Variants in LRP1B observed in about 807,000 individuals in gnomAD.
The protein encoded by LRP1B is LDL receptor related protein 1B.
Under a neutral mutation model 556.6 loss-of-function variants are expected in LRP1B, and 217 were observed. That is an observed-to-expected ratio of 0.39 (90% confidence interval 0.35 to 0.44). The LOEUF (loss-of-function observed/expected upper bound fraction) is 0.44, where lower values mean the gene tolerates loss of function less well. LRP1B is among the 20% of genes least tolerant of loss of function. The probability of loss-of-function intolerance (pLI) is 1.00; values close to 1 mark genes in which losing one functional copy is unlikely to be tolerated. For missense variants in LRP1B, 5,053 were observed against 5,620.8 expected (o/e 0.90, Z 3.23); for synonymous variants, 2,047 against 1,865.8 (o/e 1.10, Z -2.50).
In LRP1B at chr2:140,483,633, TATATA is replaced by T. The variant is rs1185449669; in HGVS notation, c.9425+1705_9425+1709del. 4.6e-3 allele frequency among the ~76,000 whole-genome samples: 232 copies of T among 50,666 alleles called. 1 individual carries two copies. Among genetic ancestry groups the T allele is most frequent in the Middle Eastern group, 0.014 (1 of 72 alleles). 33.2% of individuals were successfully genotyped at this position (50,666 alleles called of 152,430 possible). ...ACACACACATATATATATATATATA[TATATA>T]TATTTTTTTTTTTTTTTTTTGAGAC... is the stretch of plus-strand genomic sequence containing the variant. On this transcript the variant is annotated intron_variant, in intron 59 of 90. Transcript: ENST00000389484.
chr2:141,320,004 A>T (rs1399255108), intron 3 of LRP1B, among the ~76,000 whole-genome samples: 2 of 152,210 alleles, frequency 1.3e-5, no homozygotes, highest in South Asian at 2.1e-4. Flanking sequence ...TTGGGAAAAG[A>T]TTGATTCTGA....
At chr2:141,634,758 A>C (rs1019552160) in intron 2 of LRP1B, among the ~76,000 whole-genome samples, 1 of 151,988 alleles carries the variant, frequency 6.6e-6, no homozygotes, top group Non-Finnish European at 1.5e-5. Context: ...TTTTTAGACT[A>C]TTGACAGGAT....
chr2:140,779,720 T>A (rs1689627656), intron 32 of LRP1B, among the ~76,000 whole-genome samples: 1 of 123,698 alleles, frequency 8.1e-6, no homozygotes, highest in Non-Finnish European at 1.7e-5. Context: ...AAAAAGTGTG[T>A]GTGTGTGTGT....
chr2:141,856,709 C>T (rs908741981), intron 1 of LRP1B, among the ~76,000 whole-genome samples: 2 of 152,086 alleles, frequency 1.3e-5, no homozygotes, highest in African/African-American at 4.8e-5. Flanking sequence ...GAGAATGTAT[C>T]TTATTACACA....
At chr2:141,989,739 C>T (rs1302049750) in intron 1 of LRP1B, among the ~76,000 whole-genome samples, 1 of 152,040 alleles carries the variant, frequency 6.6e-6, no homozygotes, top group East Asian at 1.9e-4. Flanking sequence ...CACTTTCTCT[C>T]TTGCTGCCCT....
chr2:141,975,206 T>C (rs1414677373), intron 1 of LRP1B, among the ~76,000 whole-genome samples: 1 of 152,064 alleles, frequency 6.6e-6, no homozygotes, highest in Admixed American at 6.6e-5. Flanking sequence ...TAACTTGCTG[T>C]GAAATTTTTG....
At chr2:140,780,717 G>A (rs1689668159) in intron 32 of LRP1B, among the ~76,000 whole-genome samples, 1 of 152,014 alleles carries the variant, frequency 6.6e-6, no homozygotes, top group African/African-American at 2.4e-5. Context: ...TATGGGCCTG[G>A]GTTACATTCA....
At chr2:140,813,586 T>G in intron 32 of LRP1B, 71 bp downstream of exon 32, 1 of 1,418,426 alleles carries the variant, frequency 7.1e-7, no homozygotes, top group South Asian at 1.2e-5. Context: ...TTTCCTAAGC[T>G]TTTAACAGGT....
chr2:142,120,082 G>A (rs1442908705), intron 1 of LRP1B, among the ~76,000 whole-genome samples: 2 of 150,812 alleles, frequency 1.3e-5, no homozygotes, highest in East Asian at 2.0e-4. Context: ...TAACCTGGCA[G>A]ATCCTCACCA....
At chr2:141,608,149 G>A (rs6732675) in intron 2 of LRP1B, among the ~76,000 whole-genome samples, 3,979 of 152,082 alleles carry the variant, frequency 0.026, 168 homozygotes, top group African/African-American at 0.089. Context: ...GCTTGAACCC[G>A]GGAGGTGGAG....
chr2:141,766,295 A>G (rs1694730550), intron 2 of LRP1B, among the ~76,000 whole-genome samples: 1 of 152,196 alleles, frequency 6.6e-6, no homozygotes, highest in African/African-American at 2.4e-5. Flanking sequence ...AATGGATAGG[A>G]TACAAAAACG....
At chr2:141,573,347 G>A (rs1686604206) in intron 2 of LRP1B, among the ~76,000 whole-genome samples, 1 of 152,104 alleles carries the variant, frequency 6.6e-6, no homozygotes, top group African/African-American at 2.4e-5. Flanking sequence ...AATGACTCCT[G>A]GGTAAATAAT....
chr2:141,512,573 C>A (rs1559113741), intron 2 of LRP1B, among the ~76,000 whole-genome samples: 2 of 152,122 alleles, frequency 1.3e-5, no homozygotes, highest in East Asian at 3.8e-4. Flanking sequence ...TGGAGCTGAG[C>A]ACACCTGTCA....
intron 41 of LRP1B, among the ~76,000 whole-genome samples, chr2:140,659,837 T>C (rs908210994): frequency 2.0e-5 from 3 of 152,052 alleles, no homozygotes; most frequent in Non-Finnish European, 4.4e-5. Context: ...GGATGAGAGA[T>C]AAGAAATAAA....
At chr2:142,026,616 T>C (rs1244440596) in intron 1 of LRP1B, among the ~76,000 whole-genome samples, 1 of 152,098 alleles carries the variant, frequency 6.6e-6, no homozygotes, top group Non-Finnish European at 1.5e-5. Context: ...TTCTAGACAG[T>C]GATGCCAGTT....
chr2:141,774,959 A>C (rs1478798856), intron 2 of LRP1B, among the ~76,000 whole-genome samples: 3 of 152,168 alleles, frequency 2.0e-5, no homozygotes, highest in Non-Finnish European at 4.4e-5. Flanking sequence ...CCAATTCTTT[A>C]TCTCTCAAAA....
chr2:142,063,163 G>C (rs995135339), intron 1 of LRP1B, among the ~76,000 whole-genome samples: 1 of 150,942 alleles, frequency 6.6e-6, no homozygotes, highest in African/African-American at 2.4e-5. Context: ...TCACTTCCTG[G>C]ATGATAACAG....
intron 32 of LRP1B, among the ~76,000 whole-genome samples, chr2:140,807,444 G>A (rs1327691314): frequency 5.9e-5 from 9 of 151,276 alleles, no homozygotes; most frequent in Admixed American, 2.0e-4. Flanking sequence ...GGGTTCAAGC[G>A]ATTCTCCTGC....
intron 27 of LRP1B, among the ~76,000 whole-genome samples, chr2:140,865,601 A>G (rs1276793818): frequency 2.6e-5 from 4 of 151,982 alleles, no homozygotes; most frequent in Non-Finnish European, 5.9e-5. Context: ...TGATCCTTAT[A>G]ATGGGGAAAG....
Sources: allele counts gnomAD v4.1 joint callset (sites outside exome capture counted in the v4.1 genomes callset), GRCh38; gene constraint gnomAD v4.1.1; transcripts MANE v1.5; gene names NCBI Gene and HGNC (gene_info 2026-07-23, HGNC 2026-07-21).